ROBO1: variants seen among roughly 807,000 people sequenced by gnomAD.
The protein encoded by ROBO1 is roundabout guidance receptor 1, also known as roundabout homolog 1.
In ROBO1, 149 loss-of-function variants were observed where a neutral mutation model predicts 195.9. The ratio of observed to expected loss-of-function variants is 0.76; its 90% CI spans 0.67 to 0.87. The LOEUF is 0.87. Among genes scored for constraint, ROBO1 ranks in the 40% least tolerant of loss-of-function variants. The probability of loss-of-function intolerance (pLI) is 0.00; values close to 1 mark genes in which losing one functional copy is unlikely to be tolerated. For synonymous variants in ROBO1, 816 were observed against 733.2 expected, an observed-to-expected ratio of 1.11 and a Z score of -1.82; for missense variants, 1,933 against 2,068.3, an observed-to-expected ratio of 0.93 and a Z score of 1.27.
chr3:79,226,297 A>C (rs937019401), intron 2 of ROBO1, among the ~76,000 whole-genome samples: 4 of 152,072 alleles, frequency 2.6e-5, no homozygotes, highest in African/African-American at 9.7e-5. Flanking sequence ...GAAATGTCAC[A>C]CAACAAGGCA....
intron 15 of ROBO1, among the ~76,000 whole-genome samples, chr3:78,661,738 A>G (rs1707418782): frequency 1.3e-5 from 2 of 152,234 alleles, no homozygotes; most frequent in Admixed American, 6.5e-5. Flanking sequence ...CACAAGTTAC[A>G]TAACACAGTT....
intron 2 of ROBO1, among the ~76,000 whole-genome samples, chr3:79,472,133 T>A (rs900613730): frequency 6.6e-6 from 1 of 152,020 alleles, no homozygotes; most frequent in African/African-American, 2.4e-5. Context: ...AAACACTGAG[T>A]AGAAAATTTG....
At chr3:79,328,001 T>C (rs935801142) in intron 2 of ROBO1, among the ~76,000 whole-genome samples, 1 of 152,200 alleles carries the variant, frequency 6.6e-6, no homozygotes, top group African/African-American at 2.4e-5. Context: ...GTCATTTAAA[T>C]AGATATGTAG....
At chr3:79,265,798 CATA>C (rs2083030395) in intron 2 of ROBO1, among the ~76,000 whole-genome samples, 1 of 150,910 alleles carries the variant, frequency 6.6e-6, no homozygotes, top group African/African-American at 2.4e-5. Context: ...TTTATTTTGT[CATA>C]ATAAAAATAC....
intron 1 of ROBO1, among the ~76,000 whole-genome samples, chr3:79,721,344 T>C (rs1389866660): frequency 1.3e-5 from 1 of 76,220 alleles, no homozygotes; most frequent in African/African-American, 5.0e-5. Flanking sequence ...ATGGAAACTA[T>C]GAGACTATTG....
At chr3:79,246,821 C>T (rs1402966740) in intron 2 of ROBO1, among the ~76,000 whole-genome samples, 1 of 151,896 alleles carries the variant, frequency 6.6e-6, no homozygotes, top group Non-Finnish European at 1.5e-5. Context: ...GAGAATTAAA[C>T]CAGTGAATCC....
intron 2 of ROBO1, among the ~76,000 whole-genome samples, chr3:79,402,358 T>G (rs2037398854): frequency 1.3e-5 from 2 of 151,962 alleles, no homozygotes; most frequent in South Asian, 4.1e-4. Flanking sequence ...TTAAGTTACA[T>G]TTCCCCATTG....
chr3:79,440,017 A>C (rs1390982668), intron 2 of ROBO1, among the ~76,000 whole-genome samples: 1 of 152,088 alleles, frequency 6.6e-6, no homozygotes, highest in Non-Finnish European at 1.5e-5. Flanking sequence ...TCTAACAGAT[A>C]GAACAAAAGG....
chr3:79,116,339 TTC>T (rs1379961296), intron 3 of ROBO1, among the ~76,000 whole-genome samples: 1 of 151,140 alleles, frequency 6.6e-6, no homozygotes, highest in Non-Finnish European at 1.5e-5. Context: ...TTCTTTTCCT[TTC>T]TTTCTTTTTC....
At chr3:79,563,598 A>T (rs546855304) in intron 2 of ROBO1, among the ~76,000 whole-genome samples, 1 of 152,104 alleles carries the variant, frequency 6.6e-6, no homozygotes, top group Non-Finnish European at 1.5e-5. Context: ...GGCATCCAAT[A>T]AAAAGAAATT....
chr3:79,607,095 G>A (rs1051265261), intron 1 of ROBO1, among the ~76,000 whole-genome samples: 2 of 139,962 alleles, frequency 1.4e-5, no homozygotes, highest in African/African-American at 2.7e-5. Flanking sequence ...ATTAAAACCT[G>A]CACACACACA....
chr3:78,874,917 A>C (rs1295436873), intron 4 of ROBO1, among the ~76,000 whole-genome samples: 3 of 151,930 alleles, frequency 2.0e-5, no homozygotes, highest in Admixed American at 1.3e-4. Flanking sequence ...ATAATCTTAT[A>C]TTCAAATTCA....
chr3:78,708,493 G>A (rs1314049481), intron 8 of ROBO1, among the ~76,000 whole-genome samples: 1 of 151,676 alleles, frequency 6.6e-6, no homozygotes, highest in Non-Finnish European at 1.5e-5. Flanking sequence ...AATCATTTTA[G>A]TTTAAAAATA....
intron 1 of ROBO1, among the ~76,000 whole-genome samples, chr3:79,637,971 A>G (rs935068099): frequency 7.9e-5 from 12 of 152,198 alleles, no homozygotes; most frequent in African/African-American, 2.9e-4. Context: ...ATTCTCTAAA[A>G]TATTTTATTG....
At chr3:78,674,627 A>C (rs1298116398) in intron 10 of ROBO1, among the ~76,000 whole-genome samples, 1 of 152,228 alleles carries the variant, frequency 6.6e-6, no homozygotes, top group Non-Finnish European at 1.5e-5. Context: ...AGTAGGGAAG[A>C]ATCCCAAATT....
At chr3:79,544,719 AT>A (rs972542509) in intron 2 of ROBO1, among the ~76,000 whole-genome samples, 53 of 150,260 alleles carry the variant, frequency 3.5e-4, no homozygotes, top group African/African-American at 1.1e-3. Flanking sequence ...AAATTTAAAC[AT>A]TAAAAAAGTC....
intron 2 of ROBO1, among the ~76,000 whole-genome samples, chr3:79,560,717 C>G (rs1942887392): frequency 6.6e-6 from 1 of 151,684 alleles, no homozygotes; most frequent in South Asian, 2.1e-4. Flanking sequence ...AGTCTGTCAT[C>G]ATCAACAAGA....
intron 2 of ROBO1, among the ~76,000 whole-genome samples, chr3:79,500,119 C>CTTTTTT (rs57887981): frequency 8.3e-5 from 6 of 72,476 alleles, no homozygotes; most frequent in Non-Finnish European, 1.2e-4. Context: ...TAAGTTTTCT[C>CTTTTTT]TTTTTTTTTT....
At chr3:78,718,979 G>T (rs1291450544) in intron 5 of ROBO1, among the ~76,000 whole-genome samples, 2 of 152,192 alleles carry the variant, frequency 1.3e-5, no homozygotes, top group African/African-American at 4.8e-5. Flanking sequence ...TAAAGGTGAG[G>T]TCCCCTCACA....
Sources: gnomAD v4.1 joint callset for allele counts (sites outside exome capture counted in the v4.1 genomes callset) on GRCh38, gnomAD v4.1.1 for gene constraint, MANE v1.5 for transcripts, NCBI Gene and HGNC (gene_info 2026-07-23, HGNC 2026-07-21) for gene names.